Variants in SNRPN observed in about 807,000 individuals in gnomAD.
SNRPN encodes the protein small nuclear ribonucleoprotein-associated protein N.
In SNRPN, 7 loss-of-function variants were observed where a neutral mutation model predicts 25.2. The observed-to-expected ratio is 0.28, with a 90% CI of 0.16 to 0.52. The LOEUF (loss-of-function observed/expected upper bound fraction) is 0.52, where lower values mean the gene tolerates loss of function less well. SNRPN is among the 20% of genes least tolerant of loss of function. The pLI is 0.96. For missense variants in SNRPN, 196 were observed against 322.5 expected, an observed-to-expected ratio of 0.61 and a Z score of 3.00; for synonymous variants, 124 against 110.6, an observed-to-expected ratio of 1.12 and a Z score of -0.76.
In SNRPN at chr15:24,848,701, C is replaced by T. The variant is rs375719072; in HGVS notation, c.-579+18796C>T. 1.1e-4 allele frequency: 17 copies of T among 152,066 alleles called. No individual in the cohort carries two copies. In the East Asian group the frequency reaches 3.3e-3, roughly 29 times the overall value. 9.4% of individuals were successfully genotyped at this position (152,066 alleles called of 1,614,324 possible). A position where few individuals can be genotyped will look rare whatever the true frequency, so the allele number is the denominator to read the frequency against. ...ATTATCGTTTTGTAAATATCGGATA[C>T]TACTTTAATCATTTGTGTATTGGCC... On this transcript the variant is annotated intron_variant, in intron 2 of 12. Coordinates refer to the SNRPN transcript ENST00000400100.
At chr15:24,882,773 G>A (rs535016877) in intron 1 of SNRPN, among the ~76,000 whole-genome samples, 2 of 144,032 alleles carry the variant, frequency 1.4e-5, no homozygotes, top group East Asian at 4.4e-4. Flanking sequence ...GCAGTGAGCC[G>A]AGATCATACC....
At chr15:24,835,973 T>C (rs2051142901) in intron 2 of SNRPN, among the ~76,000 whole-genome samples, 2 of 152,042 alleles carry the variant, frequency 1.3e-5, no homozygotes, top group African/African-American at 4.8e-5. Flanking sequence ...TCCTTGAGCA[T>C]TGTCTTAATA....
intron 2 of SNRPN, among the ~76,000 whole-genome samples, chr15:24,916,899 C>G (rs1029804153): frequency 6.6e-6 from 1 of 152,132 alleles, no homozygotes; most frequent in Non-Finnish European, 1.5e-5. Flanking sequence ...TTGTGAAGAT[C>G]GAAAGAACAA....
upstream of SNRPN, among the ~76,000 whole-genome samples, chr15:24,954,202 A>C (rs561577847): frequency 6.6e-6 from 1 of 152,272 alleles, no homozygotes; most frequent in South Asian, 2.1e-4. Flanking sequence ...TTACTTGTCC[A>C]TTAGTATTAT....
intron 3 of SNRPN, among the ~76,000 whole-genome samples, chr15:24,943,359 G>C (rs1362751577): frequency 1.3e-5 from 2 of 152,150 alleles, no homozygotes; most frequent in Non-Finnish European, 2.9e-5. Flanking sequence ...AGAACCATCT[G>C]TAAACCAGGC....
At position 24,975,395 on chromosome 15, in the gene SNRPN, A is replaced by T; in HGVS notation, c.41A>T (p.Asp14Val). ...AGTAGCAAGATGCTGCAGCACATTGACTATAGAATGAGATGTATCCTGCAA... is the reference window on the plus strand; with the variant it reads ...AGTAGCAAGATGCTGCAGCACATTGTCTATAGAATGAGATGTATCCTGCAA... ...GKSSKMLQHI[D>V]YRMRCILQDG... Residue 14 changes from aspartate (D) to valine (V), a missense_variant, in exon 5 of 10, where the codon GAC becomes GTC. Physicochemically the swap from Asp to Val is radical, Grantham distance 152. Transcript: ENST00000390687. The T allele has an allele frequency of 1.2e-6, 2 of 1,613,546 alleles. No homozygotes were observed. The highest frequency in any genetic ancestry group is 1.7e-6 in the Non-Finnish European group (2 of 1,179,488).
At chr15:24,846,795 G>A (rs759845791) in intron 2 of SNRPN, among the ~76,000 whole-genome samples, 5 of 152,136 alleles carry the variant, frequency 3.3e-5, no homozygotes, top group African/African-American at 4.8e-5. Context: ...GTGTCAATAA[G>A]TTAGGATTTT....
intron 2 of SNRPN, among the ~76,000 whole-genome samples, chr15:24,916,602 GT>G (rs2059539829): frequency 6.6e-6 from 1 of 152,146 alleles, no homozygotes; most frequent in African/African-American, 2.4e-5. Context: ...ATACATTGGT[GT>G]TTGTTTCTAC....
At chr15:24,842,089 G>A (rs1243661605) in intron 2 of SNRPN, among the ~76,000 whole-genome samples, 1 of 152,002 alleles carries the variant, frequency 6.6e-6, no homozygotes, top group Non-Finnish European at 1.5e-5. Context: ...TGTGCTCCTG[G>A]GCTGATGTCT....
chr15:24,833,628 A>G (rs1020447840), intron 2 of SNRPN, among the ~76,000 whole-genome samples: 2 of 152,108 alleles, frequency 1.3e-5, no homozygotes, highest in African/African-American at 2.4e-5. Context: ...ATCTGTTTTC[A>G]TAGAGGAAGA....
rs75210247 is a variant in SNRPN, at chr15:24,958,386, CT to C, written c.-391+3339del. On this transcript the variant is annotated intron_variant, in intron 1 of 9. Coordinates refer to ENST00000390687, the MANE Select transcript of SNRPN (RefSeq NM_003097.6). The stretch of plus-strand genomic sequence containing the variant: ...TTAGACCTGTCACTGGTCCTGTCTC[CT>C]TTTTTTTTTTTTTTGTGGCCCAGGG... Among the ~76,000 whole-genome samples, 163 of 124,186 alleles carry C rather than the reference CT, an allele frequency of 1.3e-3. 2 individuals are homozygous for C. The highest frequency in any genetic ancestry group is 2.5e-3 in the Admixed American group (30 of 12,000). 81.5% of individuals were successfully genotyped at this position (124,186 alleles called of 152,430 possible).
At chr15:24,908,982 C>T in intron 2 of SNRPN, 1 of 1,401,100 alleles carries the variant, frequency 7.1e-7, no homozygotes, top group Non-Finnish European at 1.0e-6. Flanking sequence ...TTCTTTTGAG[C>T]TACCCAATCC....
chr15:24,885,790 T>C (rs761928997), intron 1 of SNRPN, among the ~76,000 whole-genome samples: 1 of 151,944 alleles, frequency 6.6e-6, no homozygotes, highest in Non-Finnish European at 1.5e-5. Context: ...TATTAGCCTG[T>C]AGCCCACGTG....
chr15:24,946,718 C>G (rs1040717925), intron 3 of SNRPN, among the ~76,000 whole-genome samples: 2 of 152,242 alleles, frequency 1.3e-5, no homozygotes, highest in Non-Finnish European at 2.9e-5. Flanking sequence ...GATCCCTCTG[C>G]TCAGCCTCCC....
intron 3 of SNRPN, among the ~76,000 whole-genome samples, chr15:24,948,131 A>C (rs12438669): frequency 0.34 from 52,008 of 151,652 alleles, 9,276 homozygotes; most frequent in East Asian, 0.51. Context: ...TTATGTTTTG[A>C]GATGGAGTCT....
rs2060646852 is a variant in SNRPN at position 24,929,404 on chromosome 15, A to G, written c.-391+9280A>G. Among the ~76,000 whole-genome samples the G allele has an allele frequency of 6.6e-6, 1 of 152,132 alleles. No individual in the cohort carries two copies. The highest frequency in any genetic ancestry group is 6.5e-5 in the Admixed American group (1 of 15,274). ...GTTGCCAGACAAGAGGAGCATCATC[A>G]TACACACATCATAGATTTAATATTA... is the stretch of plus-strand genomic sequence containing the variant. On this transcript the variant is annotated intron_variant, in intron 3 of 11. Transcript: ENST00000400097. The surrounding 1 kb of genome is among the most constrained non-coding windows in gnomAD (Gnocchi z 5.3).
chr15:24,852,449 C>G (rs1248605232), upstream of SNRPN, among the ~76,000 whole-genome samples: 3 of 152,182 alleles, frequency 2.0e-5, no homozygotes, highest in Non-Finnish European at 4.4e-5. Context: ...TCAGTCACCA[C>G]TTATATTTCA....
intron 2 of SNRPN, chr15:24,909,498 G>A: frequency 6.5e-7 from 1 of 1,545,354 alleles, no homozygotes; most frequent in Non-Finnish European, 8.8e-7. Flanking sequence ...CTACTGAGAA[G>A]CCTGCGGGCC....
intron 1 of SNRPN, among the ~76,000 whole-genome samples, chr15:24,865,110 C>T (rs2148131370): frequency 6.6e-6 from 1 of 150,436 alleles, no homozygotes; most frequent in South Asian, 2.1e-4. Flanking sequence ...GCCATGGTAC[C>T]ATCGTGGCTC....
Sources: allele counts gnomAD v4.1 joint callset (sites outside exome capture counted in the v4.1 genomes callset), GRCh38; gene constraint gnomAD v4.1.1; non-coding constraint Gnocchi (gnomAD v3.1); transcripts MANE v1.5; gene names NCBI Gene and HGNC (gene_info 2026-07-23, HGNC 2026-07-21).